POGZ: variants seen among roughly 807,000 people sequenced by gnomAD.
The protein encoded by POGZ is pogo transposable element derived with ZNF domain.
A neutral mutation model predicts 134.6 loss-of-function variants in POGZ; 17 were observed. The observed-to-expected ratio is 0.13, with a 90% confidence interval of 0.09 to 0.19. The LOEUF is 0.19. POGZ is among the 10% of genes least tolerant of loss of function. The pLI is 1.00. For missense variants in POGZ, 1,306 were observed against 1,769.7 expected, an observed-to-expected ratio of 0.74 and a Z score of 4.70; for synonymous variants, 693 against 657.1, an observed-to-expected ratio of 1.05 and a Z score of -0.84.
chr1:151,424,023 C>G lies in POGZ; in HGVS notation c.1449G>C (p.Gln483His), dbSNP rs1171135232. 1 of 1,614,050 alleles carries G rather than the reference C, an allele frequency of 6.2e-7. No individual in the cohort carries two copies. The highest frequency in any genetic ancestry group is 1.3e-5 in the African/African-American group (1 of 74,930). ...YYGRDGGKVAQLTNFPKVATS... is the reference protein window; with the variant it reads ...YYGRDGGKVAHLTNFPKVATS... ...TGGCGACCTTAGGGAAATTTGTGAG[C>G]TGGGCTACTTTGCCACCATCCCGTC... is the stretch of plus-strand genomic sequence containing the variant. The change falls in exon 9 of 19, where the codon CAG (glutamine) becomes CAC (histidine). Residue 483 changes from glutamine (Q) to histidine (H), a missense_variant. Physicochemically the swap from Gln to His is conservative, Grantham distance 24. Transcript: ENST00000271715.
intron 3 of POGZ, among the ~76,000 whole-genome samples, chr1:151,433,298 T>C (rs138974780): frequency 6.6e-6 from 1 of 152,258 alleles, no homozygotes; most frequent in East Asian, 1.9e-4. Flanking sequence ...GTTTAAATTT[T>C]GGTGGATTGT....
At chr1:151,442,354 G>T (rs1660665425) in intron 1 of POGZ, 149 bp from the exon 2 acceptor site, 7 of 513,648 alleles carry the variant, frequency 1.4e-5, no homozygotes, top group Non-Finnish European at 2.0e-5. Flanking sequence ...ATTTCCAAGG[G>T]TTCAGAATTA....
At chr1:151,422,235 G>A (rs1254828694) in intron 10 of POGZ, among the ~76,000 whole-genome samples, 1 of 152,080 alleles carries the variant, frequency 6.6e-6, no homozygotes, top group African/African-American at 2.4e-5. Flanking sequence ...CTAGCCACAA[G>A]GATTTTTTCC....
intron 10 of POGZ, among the ~76,000 whole-genome samples, chr1:151,416,260 AAAG>A (rs990179630): frequency 2.6e-5 from 4 of 151,162 alleles, no homozygotes; most frequent in African/African-American, 9.7e-5. Flanking sequence ...AGAAAAAAAA[AAAG>A]ACTATGAATC....
At position 151,427,817 on chromosome 1, in the gene POGZ, T is replaced by C. The variant is rs1254772117; in HGVS notation, c.1078+6A>G. The C allele has an allele frequency of 6.3e-7, 1 of 1,590,732 alleles. No homozygotes were observed. The highest frequency in any genetic ancestry group is 1.1e-5 in the South Asian group (1 of 90,466). Reference sequence around the variant, plus strand: ...TGGCTGCTCAGAGTCTTTCAGGTTATTGTACCTTTCATTGAAGACTCAGGT... The same window carrying C: ...TGGCTGCTCAGAGTCTTTCAGGTTACTGTACCTTTCATTGAAGACTCAGGT... On this transcript the variant is annotated splice_donor_region_variant and intron_variant, in intron 7 of 18. Transcript: ENST00000271715.
chr1:151,407,734 C>T (rs1374965705), intron 15 of POGZ, among the ~76,000 whole-genome samples: 1 of 152,090 alleles, frequency 6.6e-6, no homozygotes, highest in Admixed American at 6.5e-5. Flanking sequence ...TGGGGCCGGG[C>T]GCAGTGGCTC....
chr1:151,442,367 A>C (rs1660667171), intron 1 of POGZ, 162 bp from the exon 2 acceptor site: 1 of 488,232 alleles, frequency 2.0e-6, no homozygotes, highest in Admixed American at 3.8e-5. Context: ...CAGAATTACA[A>C]CTTCTATTAT....
chr1:151,405,374 G>A lies in POGZ; in HGVS notation c.3661C>T (p.Arg1221Cys), dbSNP rs1238527555. 14 of 1,613,850 alleles carry A rather than the reference G, an allele frequency of 8.7e-6. No individual in the cohort carries two copies. In the Admixed American group the frequency reaches 1.3e-4, roughly 15 times the overall value. ...TCCATCACAAGCATGCCTTTGCTGCGCTGGCAAGCTGTGTGCTTCTGCCAC... is the reference window on the plus strand; with the variant it reads ...TCCATCACAAGCATGCCTTTGCTGCACTGGCAAGCTGTGTGCTTCTGCCAC... ...RVWQKHTACQ[R>C]SKGMLVMDCH... is the part of the protein sequence containing the mutation. The change falls in exon 19 of 19, where the codon CGC becomes TGC. Residue 1221 changes from arginine (R) to cysteine (C), a missense_variant. Physicochemically the swap from Arg to Cys is radical, Grantham distance 180. Transcript: ENST00000271715. The surrounding 1 kb of genome is among the most constrained non-coding windows in gnomAD (Gnocchi z 4.9).
At chr1:151,444,089 C>G (rs1660939515) in intron 1 of POGZ, among the ~76,000 whole-genome samples, 1 of 152,200 alleles carries the variant, frequency 6.6e-6, no homozygotes, top group South Asian at 2.1e-4. Context: ...CCCAGTGAGT[C>G]AGCTATAGCC....
At chr1:151,424,319 TCC>T in intron 8 of POGZ, 33 bp from the exon 9 acceptor site, 1 of 1,350,098 alleles carries the variant, frequency 7.4e-7, no homozygotes, top group Non-Finnish European at 1.0e-6. Context: ...ATTCTGGTTA[TCC>T]TGGGGGCTAG....
At chr1:151,431,382 T>TA (rs1190204197) in intron 3 of POGZ, among the ~76,000 whole-genome samples, 20 of 152,232 alleles carry the variant, frequency 1.3e-4, no homozygotes, top group Admixed American at 3.3e-4. Context: ...TTTAACTAGG[T>TA]AAAACCTATT....
At chr1:151,453,422 G>A (rs1662382525) in intron 1 of POGZ, among the ~76,000 whole-genome samples, 2 of 151,844 alleles carry the variant, frequency 1.3e-5, no homozygotes, top group South Asian at 2.1e-4. Context: ...CATGTAGCTT[G>A]TATATATACA....
intron 10 of POGZ, among the ~76,000 whole-genome samples, chr1:151,419,024 C>CAA (rs71090164): frequency 0.049 from 2,509 of 51,378 alleles, 78 homozygotes; most frequent in African/African-American, 0.078. Flanking sequence ...AGCTCTGTCT[C>CAA]AAAAAAAAAA....
Position 151,411,653 on chromosome 1 carries a change from G to T in POGZ, c.1898C>A (p.Ala633Glu). The T allele has an allele frequency of 6.2e-7, 1 of 1,612,632 alleles. No homozygotes were observed. Among genetic ancestry groups the T allele is most frequent in the Non-Finnish European group, 8.5e-7 (1 of 1,179,208 alleles). ...YCLKVFKNGN[A>E]FQQHYMRHQK... ...GTGCCTCATGTAATGCTGTTGGAAT[G>T]CATTGCCATTTTTGAAGACCTTCAG... is the stretch of plus-strand genomic sequence containing the variant. Residue 633 changes from alanine (A) to glutamate (E), a missense_variant, in exon 12 of 19, where the codon GCA becomes GAA. This residue lies in a region of POGZ where 149 missense variants were observed against 237.5 expected (regional missense o/e 0.63). Transcript: ENST00000271715.
intron 1 of POGZ, among the ~76,000 whole-genome samples, chr1:151,452,709 C>T (rs530942842): frequency 6.6e-6 from 1 of 151,844 alleles, no homozygotes; most frequent in East Asian, 2.0e-4. Context: ...ACTAAAAATA[C>T]AAAAATTAGC....
At position 151,408,919 on chromosome 1, in the gene POGZ, C is replaced by G. The variant is rs1051716914; in HGVS notation, c.1927-91G>C. Reference sequence around the variant, plus strand: ...GAGGAGAAAGCAGATCAATGTCAACCATATCATTCTTCCCACCTTTCTGTT... The same window carrying G: ...GAGGAGAAAGCAGATCAATGTCAACGATATCATTCTTCCCACCTTTCTGTT... On this transcript the variant is annotated intron_variant, in intron 12 of 18. Coordinates refer to ENST00000271715, the MANE Select transcript of POGZ (RefSeq NM_015100.4). The G allele has an allele frequency of 4.7e-6, 5 of 1,065,460 alleles. No homozygotes were observed. The African/African-American group carries it at 7.9e-5, about 17-fold the overall frequency. 66.0% of individuals were successfully genotyped at this position (1,065,460 alleles called of 1,614,324 possible). A position where few individuals can be genotyped will look rare whatever the true frequency, so the allele number is the denominator to read the frequency against.
intron 1 of POGZ, among the ~76,000 whole-genome samples, chr1:151,458,703 T>C (rs1169065693): frequency 5.4e-5 from 7 of 129,524 alleles, no homozygotes; most frequent in Admixed American, 7.5e-5. Flanking sequence ...CCCCCGCCCC[T>C]TCCCCAGCGG....
chr1:151,430,916 T>TTATTG (rs1460453066), intron 3 of POGZ, 75 bp from the exon 4 acceptor site: 1 of 340,038 alleles, frequency 2.9e-6, no homozygotes, highest in African/African-American at 2.5e-5. Context: ...TTATTTTATT[T>TTATTG]TATTTTATTT....
At chr1:151,415,176 A>C (rs2479387) in intron 10 of POGZ, among the ~76,000 whole-genome samples, 149,047 of 152,276 alleles carry the variant, frequency 0.98, 73,043 homozygotes, top group Middle Eastern at 1. Flanking sequence ...ATCTTCCCCA[A>C]CCCCGACAGG....
Sources: allele counts gnomAD v4.1 joint callset (sites outside exome capture counted in the v4.1 genomes callset), GRCh38; gene constraint gnomAD v4.1.1; regional missense constraint gnomAD v4.1.1; non-coding constraint Gnocchi (gnomAD v3.1); transcripts MANE v1.5; gene names NCBI Gene and HGNC (gene_info 2026-07-23, HGNC 2026-07-21).